The following CFAP95 variants were observed in gnomAD, a reference collection of about 807,000 sequenced individuals.
The protein encoded by CFAP95 is cilia and flagella associated protein 95.
At chr9:69,881,773 A>C in the CFAP95 span, among the ~76,000 whole-genome samples, 2 of 152,166 alleles carry the variant, frequency 1.3e-5, no homozygotes, top group African/African-American at 4.8e-5. Context: ...CATTTTAACA[A>C]TATTGAGTTT....
the CFAP95 span, among the ~76,000 whole-genome samples, chr9:69,843,754 G>A: frequency 2.0e-5 from 3 of 150,022 alleles, no homozygotes; most frequent in Non-Finnish European, 4.4e-5. Context: ...GATCCTCCTA[G>A]CCCAGCCTCC....
chr9:69,833,630 C>T, the CFAP95 span, among the ~76,000 whole-genome samples: 260 of 152,318 alleles, frequency 1.7e-3, 2 homozygotes, highest in African/African-American at 5.7e-3. Flanking sequence ...TTGTCGATCT[C>T]TTCTCAGCAC....
At chr9:69,858,278 TG>T in the CFAP95 span, 1 of 370,708 alleles carries the variant, frequency 2.7e-6, no homozygotes, top group South Asian at 2.7e-5. Context: ...TGGTCATTTG[TG>T]GACATATGCA....
the CFAP95 span, among the ~76,000 whole-genome samples, chr9:69,825,257 T>C: frequency 9.2e-5 from 14 of 152,170 alleles, no homozygotes; most frequent in African/African-American, 3.4e-4. Flanking sequence ...TACATATAGG[T>C]ACAAAATAAA....
chr9:69,896,214 A>C, the CFAP95 span, among the ~76,000 whole-genome samples: 2 of 152,234 alleles, frequency 1.3e-5, no homozygotes, highest in Admixed American at 1.3e-4. Flanking sequence ...AGACTGAAGA[A>C]TAAGAAAAAT....
At chr9:69,891,622 C>T in the CFAP95 span, among the ~76,000 whole-genome samples, 2 of 151,954 alleles carry the variant, frequency 1.3e-5, no homozygotes, top group South Asian at 4.2e-4. Context: ...TGAAATTTAC[C>T]TACATAAACA....
At chr9:69,895,431 C>T in the CFAP95 span, among the ~76,000 whole-genome samples, 1 of 147,674 alleles carries the variant, frequency 6.8e-6, no homozygotes, top group Non-Finnish European at 1.5e-5. Flanking sequence ...AGATCTTTGA[C>T]TGATACAGAC....
the CFAP95 span, among the ~76,000 whole-genome samples, chr9:69,835,758 C>T: frequency 3.3e-5 from 5 of 152,176 alleles, no homozygotes; most frequent in African/African-American, 1.2e-4. Flanking sequence ...AAGGCTGATA[C>T]ATGAACGGAT....
the CFAP95 span, among the ~76,000 whole-genome samples, chr9:69,840,308 A>G: frequency 6.6e-6 from 1 of 152,190 alleles, no homozygotes; most frequent in South Asian, 2.1e-4. Context: ...TTGCACCTTG[A>G]TTATTTTTAT....
chr9:69,859,156 GTGTTTTCTC>G, the CFAP95 span, among the ~76,000 whole-genome samples: 5 of 152,186 alleles, frequency 3.3e-5, no homozygotes, highest in African/African-American at 9.6e-5. Flanking sequence ...TTGACTTATT[GTGTTTTCTC>G]TGTTTTCTCT....
the CFAP95 span, among the ~76,000 whole-genome samples, chr9:69,905,354 G>T: frequency 6.6e-6 from 1 of 151,936 alleles, no homozygotes; most frequent in South Asian, 2.1e-4. Flanking sequence ...TGGTGTAATC[G>T]GAAAGAATCA....
chr9:69,834,975 A>G, the CFAP95 span, among the ~76,000 whole-genome samples: 1 of 152,254 alleles, frequency 6.6e-6, no homozygotes, highest in Admixed American at 6.5e-5. Flanking sequence ...TGGCATGTAA[A>G]TCATTTGCCC....
the CFAP95 span, among the ~76,000 whole-genome samples, chr9:69,830,429 A>G: frequency 1.3e-5 from 2 of 152,194 alleles, no homozygotes; most frequent in African/African-American, 4.8e-5. Flanking sequence ...GTTTCACAGC[A>G]AAAGTCTAGA....
chr9:69,881,247 T>C, the CFAP95 span, among the ~76,000 whole-genome samples: 1 of 152,222 alleles, frequency 6.6e-6, no homozygotes, highest in South Asian at 2.1e-4. Flanking sequence ...CCCAGACCAA[T>C]GTCCTGGAGA....
At chr9:69,884,660 G>GTT in the CFAP95 span, 23,486 of 150,016 alleles carry the variant, frequency 0.16, 1,891 homozygotes, top group East Asian at 0.28. Context: ...CAAATAGGAG[G>GTT]TTTTTTTTTT....
At chr9:69,895,369 C>CTCTGTGTG in the CFAP95 span, among the ~76,000 whole-genome samples, 17 of 107,918 alleles carry the variant, frequency 1.6e-4, no homozygotes, top group East Asian at 2.5e-3. Flanking sequence ...CTCTCTCTCT[C>CTCTGTGTG]TGTGTGTGTG....
chr9:69,856,761 T>C, the CFAP95 span: 1 of 768,418 alleles, frequency 1.3e-6, no homozygotes, highest in South Asian at 2.0e-5. Flanking sequence ...TGACCCCAGT[T>C]CCACACTAAA....
chr9:69,905,874 T>C, the CFAP95 span: 6 of 1,037,022 alleles, frequency 5.8e-6, no homozygotes, highest in African/African-American at 5.0e-5. Context: ...AAGAATAATA[T>C]ATGAAAAATA....
chr9:69,870,164 TG>T, the CFAP95 span, among the ~76,000 whole-genome samples: 1 of 152,018 alleles, frequency 6.6e-6, no homozygotes, highest in East Asian at 1.9e-4. Context: ...AAATTACATT[TG>T]TCCCACATAT....
Sources: gnomAD v4.1 joint callset for allele counts (sites outside exome capture counted in the v4.1 genomes callset) on GRCh38, gnomAD v4.1.1 for gene constraint, MANE v1.5 for transcripts, NCBI Gene and HGNC (gene_info 2026-07-23, HGNC 2026-07-21) for gene names.